FAT3: variants seen among roughly 807,000 people sequenced by gnomAD.
FAT3 encodes protocadherin Fat 3.
Under a neutral mutation model 310.2 loss-of-function variants are expected in FAT3, and 95 were observed. The ratio of observed to expected loss-of-function variants is 0.31; its 90% CI spans 0.26 to 0.36. FAT3 has a LOEUF of 0.36. Among genes scored for constraint, FAT3 ranks in the 10% least tolerant of loss-of-function variants. The pLI, the probability that FAT3 is intolerant of heterozygous loss-of-function variation, is 1.00. For missense variants in FAT3, 5,408 were observed against 5,715.6 expected (o/e 0.95, Z 1.74); for synonymous variants, 2,314 against 2,192.9 (o/e 1.06, Z -1.54).
At chr11:92,663,444 G>C (rs557367247) in intron 3 of FAT3, among the ~76,000 whole-genome samples, 1 of 152,078 alleles carries the variant, frequency 6.6e-6, no homozygotes, top group Non-Finnish European at 1.5e-5. Flanking sequence ...GTTGCTGATG[G>C]ACTGAAAAAT....
At chr11:92,706,528 G>C (rs1944358856) in intron 4 of FAT3, among the ~76,000 whole-genome samples, 1 of 151,360 alleles carries the variant, frequency 6.6e-6, no homozygotes, top group African/African-American at 2.4e-5. Flanking sequence ...GTCTTAATTT[G>C]TTTCCCAAAA....
chr11:92,681,857 G>A (rs1164629409), intron 3 of FAT3, among the ~76,000 whole-genome samples: 1 of 152,088 alleles, frequency 6.6e-6, no homozygotes, highest in African/African-American at 2.4e-5. Flanking sequence ...GAGGAGGAGG[G>A]GGGCCCAAAC....
intron 2 of FAT3, among the ~76,000 whole-genome samples, chr11:92,446,575 T>TA (rs1269922463): frequency 6.6e-6 from 1 of 152,190 alleles, no homozygotes; most frequent in Non-Finnish European, 1.5e-5. Flanking sequence ...AACCACAACT[T>TA]ATGAAATAAA....
chr11:92,553,796 T>C (rs1954910860), intron 3 of FAT3, among the ~76,000 whole-genome samples: 1 of 151,688 alleles, frequency 6.6e-6, no homozygotes. Context: ...CTTCCTTCTT[T>C]CTTTTTTCTT....
intron 3 of FAT3, among the ~76,000 whole-genome samples, chr11:92,653,451 G>A (rs569148279): frequency 7.2e-4 from 109 of 152,156 alleles, no homozygotes; most frequent in Non-Finnish European, 1.3e-3. Flanking sequence ...CCTTGAGATG[G>A]GGCCTGAATC....
At chr11:92,351,303 A>G (rs1395977898) in intron 1 of FAT3, among the ~76,000 whole-genome samples, 4 of 152,200 alleles carry the variant, frequency 2.6e-5, no homozygotes, top group Non-Finnish European at 5.9e-5. Context: ...AAGTAAGCAC[A>G]ATAAAAGATG....
At chr11:92,819,314 C>G (rs760424019) in intron 13 of FAT3, among the ~76,000 whole-genome samples, 1 of 152,178 alleles carries the variant, frequency 6.6e-6, no homozygotes, top group African/African-American at 2.4e-5. Context: ...CTGAATAAGA[C>G]TCTAGATCAG....
At chr11:92,760,168 C>T (rs1946107939) in intron 4 of FAT3, among the ~76,000 whole-genome samples, 1 of 152,170 alleles carries the variant, frequency 6.6e-6, no homozygotes, top group African/African-American at 2.4e-5. Flanking sequence ...CACAACAAAG[C>T]AATTGGGAAA....
chr11:92,626,976 A>G (rs1941363467), intron 3 of FAT3, among the ~76,000 whole-genome samples: 1 of 152,200 alleles, frequency 6.6e-6, no homozygotes, highest in Middle Eastern at 3.2e-3. Context: ...AAATGAGTGA[A>G]TTCTATTAAT....
intron 3 of FAT3, chr11:92,559,383 C>CGT (rs773345891): frequency 2.7e-4 from 39 of 144,004 alleles, no homozygotes; most frequent in African/African-American, 1.1e-3. Flanking sequence ...ACTTATTTTC[C>CGT]TTTTTTTTTT....
chr11:92,400,476 A>G (rs1266024955), intron 2 of FAT3: 3 of 152,188 alleles, frequency 2.0e-5, no homozygotes, highest in African/African-American at 7.2e-5. Context: ...TAAATGGACC[A>G]AATTATGAAA....
intron 17 of FAT3, among the ~76,000 whole-genome samples, chr11:92,838,989 C>T (rs1193197753): frequency 7.2e-5 from 11 of 152,102 alleles, no homozygotes; most frequent in Non-Finnish European, 2.9e-5. Context: ...AGAGCTTCGC[C>T]CAGAGTCCAC....
chr11:92,788,168 T>C (rs1054150423), intron 7 of FAT3, among the ~76,000 whole-genome samples: 10 of 152,040 alleles, frequency 6.6e-5, no homozygotes, highest in African/African-American at 2.4e-4. Context: ...GTAGCAATTA[T>C]CAGAAAGCAA....
At chr11:92,689,483 C>A (rs1943734890) in intron 3 of FAT3, among the ~76,000 whole-genome samples, 1 of 152,202 alleles carries the variant, frequency 6.6e-6, no homozygotes, top group African/African-American at 2.4e-5. Flanking sequence ...GGCTTAATTT[C>A]TCTGAAGAAA....
At chr11:92,835,403 A>G (rs1475160709) in intron 15 of FAT3, among the ~76,000 whole-genome samples, 1 of 152,144 alleles carries the variant, frequency 6.6e-6, no homozygotes, top group Non-Finnish European at 1.5e-5. Context: ...GTGAACTTAT[A>G]TGACAGGTTA....
chr11:92,239,402 CCT>C (rs1864575308), intron 1 of FAT3, among the ~76,000 whole-genome samples: 9 of 152,012 alleles, frequency 5.9e-5, no homozygotes, highest in Non-Finnish European at 2.9e-5. Flanking sequence ...TGAGTGTGCA[CCT>C]AGGAAGCAGA....
chr11:92,495,420 A>G (rs1452455815), intron 2 of FAT3, among the ~76,000 whole-genome samples: 1 of 152,066 alleles, frequency 6.6e-6, no homozygotes, highest in Non-Finnish European at 1.5e-5. Flanking sequence ...TGTTCAACAA[A>G]TGTTGACTGG....
chr11:92,773,796 C>G (rs1770631922), intron 6 of FAT3, among the ~76,000 whole-genome samples: 1 of 152,122 alleles, frequency 6.6e-6, no homozygotes, highest in South Asian at 2.1e-4. Context: ...TCTAACATTA[C>G]TGCTGAGGTT....
At chr11:92,441,911 AC>A (rs1951071749) in intron 2 of FAT3, among the ~76,000 whole-genome samples, 1 of 151,498 alleles carries the variant, frequency 6.6e-6, no homozygotes, top group Non-Finnish European at 1.5e-5. Context: ...TACCCCCAAG[AC>A]TTAGTCTTAC....
Sources: gnomAD v4.1 joint callset for allele counts (sites outside exome capture counted in the v4.1 genomes callset) on GRCh38, gnomAD v4.1.1 for gene constraint, MANE v1.5 for transcripts, NCBI Gene and HGNC (gene_info 2026-07-23, HGNC 2026-07-21) for gene names.